Variants in SEMA4D observed in about 807,000 individuals in gnomAD.
SEMA4D encodes semaphorin 4D, also known as semaphorin-4D.
Under a neutral mutation model 74.8 loss-of-function variants are expected in SEMA4D, and 22 were observed. That is an observed-to-expected ratio of 0.29 (90% CI 0.21 to 0.42). The LOEUF is 0.42. Among genes scored for constraint, SEMA4D ranks in the 10% least tolerant of loss-of-function variants. SEMA4D has a pLI of 1.00. For missense variants in SEMA4D, 937 were observed against 1,118.4 expected (o/e 0.84, Z 2.31); for synonymous variants, 445 against 463.7 (o/e 0.96, Z 0.52).
intron 16 of SEMA4D, chr9:89,364,168 C>T (rs1833211092): frequency 1.7e-5 from 15 of 900,216 alleles, no homozygotes; most frequent in South Asian, 3.5e-5. Context: ...TGCTCTTTGA[C>T]CTTAATTGCC....
intron 16 of SEMA4D, among the ~76,000 whole-genome samples, chr9:89,370,341 TGTG>T (rs1357809951): frequency 1.3e-5 from 2 of 150,636 alleles, no homozygotes; most frequent in African/African-American, 4.9e-5. Context: ...ACATGTGTCG[TGTG>T]GTGTATATTG....
In SEMA4D at chr9:89,389,063, G is replaced by C. The variant is rs764374213; in HGVS notation, c.775-16C>G. The C allele has an allele frequency of 4.4e-5, 71 of 1,613,674 alleles. No homozygotes were observed. The highest frequency in any genetic ancestry group is 2.8e-4 in the Admixed American group (17 of 59,998). Reference sequence around the variant, plus strand: ...CCTGGTCCCCCTAAAACCCCAACAAGAAGACGTGGTGGGCCGAGAGTGGAT... The same window carrying C: ...CCTGGTCCCCCTAAAACCCCAACAACAAGACGTGGTGGGCCGAGAGTGGAT... On this transcript the variant is annotated splice_polypyrimidine_tract_variant and intron_variant, in intron 9 of 15. Transcript: ENST00000422704.
intron 2 of SEMA4D, chr9:89,418,484 T>C (rs537038020): frequency 2.2e-6 from 2 of 912,800 alleles, no homozygotes; most frequent in East Asian, 2.4e-4. Context: ...GCTCCAGATA[T>C]GTATCCTTTA....
chr9:89,417,803 G>A (rs1846034311), intron 2 of SEMA4D, among the ~76,000 whole-genome samples: 1 of 152,328 alleles, frequency 6.6e-6, no homozygotes, highest in African/African-American at 2.4e-5. Context: ...GGCCGAGAGA[G>A]CAGGGAAGAA....
chr9:89,473,727 T>C (rs1476822993), intron 1 of SEMA4D, among the ~76,000 whole-genome samples: 1 of 151,958 alleles, frequency 6.6e-6, no homozygotes, highest in East Asian at 1.9e-4. Context: ...TGGTGGCACA[T>C]GACTGTAATC....
In SEMA4D at chr9:89,396,761, T is replaced by A; in HGVS notation, c.390A>T (p.Ala130=). 6.2e-7 allele frequency: 1 copy of A among 1,613,796 alleles called. No individual in the cohort carries two copies. Among genetic ancestry groups the A allele is most frequent in the East Asian group, 2.2e-5 (1 of 44,870 alleles). The change falls in exon 6 of 16, where the codon GCA becomes GCT. Residue 130 remains alanine, a synonymous_variant. Coordinates refer to ENST00000422704, the MANE Select transcript of SEMA4D (RefSeq NM_001371194.2). ...ATSLYVCGTN[A]FQPACDHLNL... ...CCAGGTGGTCACAGGCCGGCTGGAA[T>A]GCGTTGGTCCCACACACGTAAAGGG...
intron 2 of SEMA4D, among the ~76,000 whole-genome samples, chr9:89,432,587 C>T (rs4602991): frequency 0.98 from 149,003 of 152,320 alleles, 72,992 homozygotes; most frequent in Non-Finnish European, 1. Flanking sequence ...ATGATAAAAA[C>T]AGATTTGGTG....
chr9:89,458,819 C>T (rs1018399066), intron 1 of SEMA4D, among the ~76,000 whole-genome samples: 1 of 152,070 alleles, frequency 6.6e-6, no homozygotes, highest in Admixed American at 6.6e-5. Context: ...CCTAAACACA[C>T]ACTCATACAC....
chr9:89,496,521 G>C (rs1422028639), intron 1 of SEMA4D, among the ~76,000 whole-genome samples: 1 of 152,154 alleles, frequency 6.6e-6, no homozygotes, highest in Non-Finnish European at 1.5e-5. Context: ...TTATGGGAGG[G>C]CAGTCTTTGC....
At chr9:89,426,650 G>T (rs142252862) in intron 2 of SEMA4D, among the ~76,000 whole-genome samples, 1 of 152,076 alleles carries the variant, frequency 6.6e-6, no homozygotes, top group Non-Finnish European at 1.5e-5. Flanking sequence ...TCTTACCGTC[G>T]TGCGCAGACA....
chr9:89,464,811 T>C (rs1858248131), intron 1 of SEMA4D, among the ~76,000 whole-genome samples: 1 of 151,772 alleles, frequency 6.6e-6, no homozygotes, highest in South Asian at 2.1e-4. Flanking sequence ...TGGATAAGCC[T>C]GAGTTACCAC....
chr9:89,450,654 A>G (rs1207702861), intron 2 of SEMA4D: 5 of 648,746 alleles, frequency 7.7e-6, no homozygotes, highest in South Asian at 4.8e-5. Context: ...AAGTCGAAAA[A>G]CCCAGGAAAA....
chr9:89,487,080 C>G (rs1297272262), intron 1 of SEMA4D, among the ~76,000 whole-genome samples: 2 of 151,466 alleles, frequency 1.3e-5, no homozygotes, highest in Non-Finnish European at 2.9e-5. Flanking sequence ...AAACAATATC[C>G]CTCATGACAT....
At chr9:89,385,674 T>C (rs1230516994) in intron 13 of SEMA4D, 2 of 668,916 alleles carry the variant, frequency 3.0e-6, no homozygotes, top group African/African-American at 2.0e-5. Flanking sequence ...ACAGAAGACC[T>C]GGAGGGGTGT....
intron 16 of SEMA4D, chr9:89,364,109 T>A: frequency 6.8e-7 from 1 of 1,474,324 alleles, no homozygotes; most frequent in Non-Finnish European, 9.1e-7. Flanking sequence ...GGAGGTGGCT[T>A]CCCCATGGCC....
chr9:89,475,092 G>A (rs999398036), intron 1 of SEMA4D, among the ~76,000 whole-genome samples: 6 of 152,206 alleles, frequency 3.9e-5, no homozygotes, highest in Non-Finnish European at 5.9e-5. Flanking sequence ...GAAAAGGGTC[G>A]AGGTGCAGGA....
In SEMA4D at chr9:89,385,264, T is replaced by A. The variant is rs369311683; in HGVS notation, c.1446+1103A>T. On this transcript the variant is annotated intron_variant, in intron 13 of 15. Coordinates refer to ENST00000422704, the MANE Select transcript of SEMA4D (RefSeq NM_001371194.2). ...CCTAAGTGACCCTTGGAACAGAGTG[T>A]CATTCTCACGAATGTCCACACCAGG... 2.1e-4 allele frequency: 203 copies of A among 985,150 alleles called. No homozygotes were observed. In the Middle Eastern group the frequency reaches 4.2e-3, roughly 20 times the overall value. 61.0% of individuals were successfully genotyped at this position (985,150 alleles called of 1,614,324 possible). A position where few individuals can be genotyped will look rare whatever the true frequency, so the allele number is the denominator to read the frequency against.
chr9:89,471,574 G>GTGCATGCCGGCTCAGA (rs1564912253), intron 1 of SEMA4D, among the ~76,000 whole-genome samples: 1 of 146,280 alleles, frequency 6.8e-6, no homozygotes, highest in Non-Finnish European at 1.5e-5. Context: ...ACTGGCTCAG[G>GTGCATGCCGGCTCAGA]TGCATGCCGG....
chr9:89,465,447 G>C (rs544320152), intron 1 of SEMA4D, among the ~76,000 whole-genome samples: 2 of 149,278 alleles, frequency 1.3e-5, no homozygotes, highest in East Asian at 3.9e-4. Context: ...ATCACAAAAA[G>C]ACATGGAGTT....
Sources: allele counts gnomAD v4.1 joint callset (sites outside exome capture counted in the v4.1 genomes callset), GRCh38; gene constraint gnomAD v4.1.1; transcripts MANE v1.5; gene names NCBI Gene and HGNC (gene_info 2026-07-23, HGNC 2026-07-21).